DPP6: variants seen among roughly 807,000 people sequenced by gnomAD.
DPP6 encodes the protein A-type potassium channel modulatory protein DPP6.
Under a neutral mutation model 122.6 loss-of-function variants are expected in DPP6, and 69 were observed. That is an observed-to-expected ratio of 0.56 (90% CI 0.46 to 0.69). The LOEUF (loss-of-function observed/expected upper bound fraction) is 0.69, where lower values mean the gene tolerates loss of function less well. Ranked by LOEUF, DPP6 falls within the 30% of genes least tolerant of loss-of-function variation. DPP6 has a pLI of 0.00. For synonymous variants in DPP6, 418 were observed against 433.1 expected (o/e 0.97, Z 0.43); for missense variants, 928 against 1,116.9 (o/e 0.83, Z 2.41).
chr7:154,361,942 C>G (rs1403522697), intron 1 of DPP6, among the ~76,000 whole-genome samples: 1 of 152,214 alleles, frequency 6.6e-6, no homozygotes, highest in African/African-American at 2.4e-5. Context: ...GCCATGATGG[C>G]TCACATCTGG....
At chr7:154,199,394 A>G (rs1799047396) in intron 1 of DPP6, among the ~76,000 whole-genome samples, 1 of 152,252 alleles carries the variant, frequency 6.6e-6, no homozygotes, top group Non-Finnish European at 1.5e-5. Context: ...GGTTTCCACT[A>G]TTCCCTAGTA....
At chr7:154,194,367 T>C (rs1798761443) in intron 1 of DPP6, among the ~76,000 whole-genome samples, 1 of 152,212 alleles carries the variant, frequency 6.6e-6, no homozygotes, top group Non-Finnish European at 1.5e-5. Flanking sequence ...TTTTCTCTTT[T>C]TGAACAGTTT....
rs1232613858 is a variant in DPP6 at position 154,052,858 on chromosome 7, A to T, written c.38A>T (p.Asn13Ile). The T allele has an allele frequency of 3.9e-6, 6 of 1,537,664 alleles. No individual in the cohort carries two copies. Among genetic ancestry groups the T allele is most frequent in the Non-Finnish European group, 5.3e-6 (6 of 1,142,268 alleles). Residue 13 changes from asparagine to isoleucine, a missense_variant, in exon 1 of 26, where the codon AAC (asparagine) becomes ATC (isoleucine). By Grantham distance (149) the Asn-to-Ile change is moderately radical. Transcript: ENST00000377770. The surrounding 1 kb of genome is among the most constrained non-coding windows in gnomAD (Gnocchi z 4.8). ...TACCAGAGGTTCACTGGCAAGATCA[A>T]CACCTCGAGGTCCTTCCCCGCGCCC... Reference protein sequence around the residue: ...SLYQRFTGKINTSRSFPAPPE... With the variant: ...SLYQRFTGKIITSRSFPAPPE...
intron 1 of DPP6, among the ~76,000 whole-genome samples, chr7:154,308,362 T>A (rs921394280): frequency 6.6e-6 from 1 of 152,230 alleles, no homozygotes; most frequent in Non-Finnish European, 1.5e-5. Flanking sequence ...GTTTGTTTTT[T>A]AAAGGATACT....
chr7:154,049,664 T>C (rs1361455793), upstream of DPP6, among the ~76,000 whole-genome samples: 2 of 144,950 alleles, frequency 1.4e-5, no homozygotes, highest in Admixed American at 1.4e-4. Flanking sequence ...CTCGGCTCAT[T>C]GCAACCTCCG....
intron 1 of DPP6, among the ~76,000 whole-genome samples, chr7:154,437,247 CT>C (rs1156721216): frequency 6.6e-6 from 1 of 152,202 alleles, no homozygotes; most frequent in Non-Finnish European, 1.5e-5. Context: ...AATTCTGATA[CT>C]AGGCTAATAG....
intron 1 of DPP6, among the ~76,000 whole-genome samples, chr7:154,394,505 G>T (rs1364287405): frequency 1.5e-5 from 2 of 133,530 alleles, no homozygotes; most frequent in African/African-American, 5.5e-5. Context: ...ATATATATAT[G>T]AATTGCAAAT....
chr7:154,074,900 T>G (rs1173520936), intron 1 of DPP6, among the ~76,000 whole-genome samples: 1 of 151,214 alleles, frequency 6.6e-6, no homozygotes, highest in Non-Finnish European at 1.5e-5. Flanking sequence ...TTGCAAACTA[T>G]GTATCTGACA....
chr7:154,532,117 G>A (rs903123938), intron 3 of DPP6, among the ~76,000 whole-genome samples: 4 of 151,892 alleles, frequency 2.6e-5, no homozygotes, highest in Non-Finnish European at 4.4e-5. Flanking sequence ...TAAAAATGAC[G>A]TTTCAAAAGA....
intron 1 of DPP6, among the ~76,000 whole-genome samples, chr7:154,083,406 A>G (rs1804173583): frequency 6.6e-6 from 1 of 151,874 alleles, no homozygotes; most frequent in African/African-American, 2.4e-5. Flanking sequence ...CAGGAAGTGA[A>G]AGAGGCCTAT....
the DPP6 span, among the ~76,000 whole-genome samples, chr7:153,776,000 C>A: frequency 2.0e-5 from 3 of 152,050 alleles, no homozygotes; most frequent in Non-Finnish European, 4.4e-5. Context: ...TTATCCCCAA[C>A]GTTATATGTT....
the DPP6 span, among the ~76,000 whole-genome samples, chr7:153,857,428 G>A: frequency 2.0e-5 from 3 of 147,668 alleles, no homozygotes; most frequent in South Asian, 2.2e-4. Context: ...AGCACAACAC[G>A]AAATCTAAAA....
At chr7:154,825,992 A>T (rs897435363) in intron 16 of DPP6, among the ~76,000 whole-genome samples, 4 of 152,192 alleles carry the variant, frequency 2.6e-5, no homozygotes, top group African/African-American at 9.7e-5. Flanking sequence ...ACCACACAGA[A>T]ACTTATATCC....
chr7:154,815,769 C>A (rs1188197902), intron 16 of DPP6, among the ~76,000 whole-genome samples: 1 of 152,294 alleles, frequency 6.6e-6, no homozygotes, highest in East Asian at 1.9e-4. Context: ...CAGCTCTGGG[C>A]TCTCACCCCC....
At chr7:154,217,707 G>T (rs1253240659) in intron 1 of DPP6, among the ~76,000 whole-genome samples, 2 of 152,170 alleles carry the variant, frequency 1.3e-5, no homozygotes, top group East Asian at 1.9e-4. Flanking sequence ...CTTCCACGAG[G>T]CTGTGGTCCC....
intron 1 of DPP6, among the ~76,000 whole-genome samples, chr7:154,124,597 A>G (rs1003500568): frequency 6.6e-6 from 1 of 152,262 alleles, no homozygotes; most frequent in Non-Finnish European, 1.5e-5. Context: ...GGTTTCAAAA[A>G]TATCCCAAAC....
intron 7 of DPP6, among the ~76,000 whole-genome samples, chr7:154,708,807 G>A (rs1020038020): frequency 2.0e-5 from 3 of 152,200 alleles, no homozygotes; most frequent in African/African-American, 7.2e-5. Flanking sequence ...CAGCACTTTA[G>A]GAGGCAGAGA....
At chr7:154,800,069 C>T (rs947990857) in intron 12 of DPP6, among the ~76,000 whole-genome samples, 6 of 152,144 alleles carry the variant, frequency 3.9e-5, no homozygotes, top group African/African-American at 1.4e-4. Context: ...CCCCAGAAAA[C>T]TGAAGGAATA....
intron 1 of DPP6, among the ~76,000 whole-genome samples, chr7:154,040,902 G>A (rs1799728403): frequency 6.6e-6 from 1 of 150,726 alleles, no homozygotes; most frequent in African/African-American, 2.5e-5. Context: ...TAGCAGCCTT[G>A]GTGGAGTGGG....
Sources: gnomAD v4.1 joint callset for allele counts (sites outside exome capture counted in the v4.1 genomes callset) on GRCh38, gnomAD v4.1.1 for gene constraint, Gnocchi (gnomAD v3.1) non-coding constraint, MANE v1.5 for transcripts, NCBI Gene and HGNC (gene_info 2026-07-23, HGNC 2026-07-21) for gene names.